EVC: variants seen among roughly 807,000 people sequenced by gnomAD.
EVC encodes the protein EvC ciliary complex subunit 1, also known as evC complex member EVC.
Under a neutral mutation model 118.9 loss-of-function variants are expected in EVC, and 116 were observed. That is an observed-to-expected ratio of 0.98 (90% CI 0.84 to 1.14). The LOEUF (loss-of-function observed/expected upper bound fraction) is 1.14, where lower values mean the gene tolerates loss of function less well. Among genes scored for constraint, EVC ranks in the 50% most tolerant of loss-of-function variants. The pLI is 0.00. For synonymous variants in EVC, 619 were observed against 534.7 expected (o/e 1.16, Z -2.18); for missense variants, 1,401 against 1,246.4 (o/e 1.12, Z -1.87).
intron 16 of EVC, among the ~76,000 whole-genome samples, chr4:5,803,915 C>G (rs1183677548): frequency 1.3e-5 from 2 of 150,118 alleles, no homozygotes; most frequent in African/African-American, 2.4e-5. Flanking sequence ...CAGGTCTAAA[C>G]CATGCCTGTC....
the EVC span, chr4:5,826,052 TCA>T: frequency 3.5e-6 from 1 of 287,226 alleles, no homozygotes; most frequent in African/African-American, 2.3e-5. Context: ...AAAGGCATAC[TCA>T]CATATGTATA....
chr4:5,763,457 TG>T (rs60989960), intron 11 of EVC, among the ~76,000 whole-genome samples: 46,663 of 141,100 alleles, frequency 0.33, 7,234 homozygotes, highest in Admixed American at 0.43. Flanking sequence ...GGTAGCTTGA[TG>T]GGGATGGCAT....
the EVC span, among the ~76,000 whole-genome samples, chr4:5,828,927 A>AG: frequency 6.9e-6 from 1 of 145,476 alleles, no homozygotes; most frequent in Non-Finnish European, 1.5e-5. Flanking sequence ...ACAAAGAGGA[A>AG]GGGGGTCCCC....
chr4:5,828,835 T>G, the EVC span, among the ~76,000 whole-genome samples: 2 of 152,158 alleles, frequency 1.3e-5, no homozygotes, highest in Admixed American at 1.3e-4. Context: ...TGGTCCACAG[T>G]GTATATAACC....
chr4:5,711,614 C>T (rs1723037806), intron 1 of EVC, 60 bp downstream of exon 1: 1 of 1,128,598 alleles, frequency 8.9e-7, no homozygotes, highest in African/African-American at 1.6e-5. Context: ...GCTTCTGGGT[C>T]CTGCGGGCCC....
At chr4:5,814,892 C>G (rs1333433065), downstream of EVC, among the ~76,000 whole-genome samples, 2 of 152,142 alleles carry the variant, frequency 1.3e-5, no homozygotes, top group East Asian at 3.9e-4. Flanking sequence ...ATTCTAGGTC[C>G]TGTGTTCTTT....
intron 1 of EVC, among the ~76,000 whole-genome samples, chr4:5,712,902 C>A (rs535518868): frequency 6.6e-6 from 1 of 152,242 alleles, no homozygotes; most frequent in East Asian, 1.9e-4. Flanking sequence ...ATCCTCCAGC[C>A]CATGAGGTGG....
chr4:5,717,822 C>G (rs1419052767), intron 1 of EVC, among the ~76,000 whole-genome samples: 5 of 152,232 alleles, frequency 3.3e-5, no homozygotes, highest in Non-Finnish European at 5.9e-5. Flanking sequence ...CATTCCCCCA[C>G]CCTCCACTGT....
chr4:5,820,258 A>C, the EVC span, among the ~76,000 whole-genome samples: 4 of 152,080 alleles, frequency 2.6e-5, no homozygotes, highest in Non-Finnish European at 5.9e-5. Flanking sequence ...ACTATCACCA[A>C]CACCACCATC....
chr4:5,809,638 C>A, intron 19 of EVC, 27 bp downstream of exon 19: 1 of 1,594,326 alleles, frequency 6.3e-7, no homozygotes, highest in Non-Finnish European at 8.6e-7. Flanking sequence ...TGAGTTGCAG[C>A]GGGAAGCACT....
rs143895468 is a variant in EVC, at chr4:5,767,891, C to T, written c.1563+11529C>T. On this transcript the variant is annotated intron_variant, in intron 11 of 20. Coordinates refer to ENST00000264956, the MANE Select transcript of EVC (RefSeq NM_153717.3). ...GTCGCTCACGCTGGGAGCTGTAGAC[C>T]GGAGCTGTTCCTATTCGGCCATCTT... is the stretch of plus-strand genomic sequence containing the variant. 6.9e-3 allele frequency among the ~76,000 whole-genome samples: 1,050 copies of T among 152,296 alleles called. 14 individuals carry two copies. The highest frequency in any genetic ancestry group is 0.023 in the African/African-American group (966 of 41,532).
At chr4:5,732,848 A>C (rs1032317096) in intron 4 of EVC, among the ~76,000 whole-genome samples, 2 of 152,132 alleles carry the variant, frequency 1.3e-5, no homozygotes, top group Non-Finnish European at 2.9e-5. Flanking sequence ...CATCTCTAAA[A>C]TAAAATCCAA....
At chr4:5,819,464 C>G in the EVC span, among the ~76,000 whole-genome samples, 1 of 152,204 alleles carries the variant, frequency 6.6e-6, no homozygotes, top group Non-Finnish European at 1.5e-5. Context: ...TCTGAGCTAC[C>G]AGGTCTCCTG....
chr4:5,712,791 C>T (rs1462459348), intron 1 of EVC, among the ~76,000 whole-genome samples: 1 of 152,116 alleles, frequency 6.6e-6, no homozygotes, highest in Non-Finnish European at 1.5e-5. Context: ...GATTAAGAGA[C>T]ACTAAGAGAT....
rs932694480 is a variant in EVC at position 5,798,891 on chromosome 4, T to C, written c.2304+99T>C. ...TCCTTGCCACACCGTTCATGGAGCT[T>C]GTGGCCTAGTAGACTTTGCCTGACT... On this transcript the variant is annotated intron_variant, in intron 15 of 20. Coordinates refer to ENST00000264956, the MANE Select transcript of EVC (RefSeq NM_153717.3). The surrounding 1 kb of genome is among the most constrained non-coding windows in gnomAD (Gnocchi z 4.1). 9.2e-6 allele frequency: 12 copies of C among 1,309,994 alleles called. No individual in the cohort carries two copies. Among genetic ancestry groups the C allele is most frequent in the South Asian group, 6.4e-5 (5 of 78,612 alleles). The allele number at this position is 1,309,994 out of a possible 1,614,324, so 81.1% of individuals were successfully genotyped here.
rs2152345583 is a variant in EVC at position 5,798,633 on chromosome 4, G to GGCCC, written c.2145_2146insGCCC (p.Gln716AlafsTer52). ...CCAGCCGGCTAGAGGAGGAAGCACAGCAGACACGGCTGCAGCTCCAGCAGC... is the reference window on the plus strand; with the variant it reads ...CCAGCCGGCTAGAGGAGGAAGCACAGGCCCCAGACACGGCTGCAGCTCCAGCAGC... On this transcript the variant is annotated frameshift_variant, in exon 15 of 21. Coordinates refer to ENST00000264956, the MANE Select transcript of EVC (RefSeq NM_153717.3). LOFTEE classifies it high-confidence loss of function. This position sits in a 1 kb window ranked among gnomAD's most constrained non-coding sequence, Gnocchi z 4.1. 1.9e-6 allele frequency: 3 copies of GGCCC among 1,590,306 alleles called. No homozygotes were observed. The highest frequency in any genetic ancestry group is 2.6e-6 in the Non-Finnish European group (3 of 1,169,976).
chr4:5,817,148 T>C (rs1327253162), downstream of EVC, among the ~76,000 whole-genome samples: 4 of 151,830 alleles, frequency 2.6e-5, no homozygotes, highest in African/African-American at 9.7e-5. Flanking sequence ...GGATACGGAG[T>C]GTTCTTTTTT....
At chr4:5,766,510 G>T (rs1732888762) in intron 11 of EVC, among the ~76,000 whole-genome samples, 1 of 123,984 alleles carries the variant, frequency 8.1e-6, no homozygotes, top group Admixed American at 8.4e-5. Flanking sequence ...TTCCAACTTG[G>T]TTCCATTCTC....
At chr4:5,717,219 C>T (rs931049150) in intron 1 of EVC, among the ~76,000 whole-genome samples, 1 of 152,028 alleles carries the variant, frequency 6.6e-6, no homozygotes, top group African/African-American at 2.4e-5. Context: ...TTGAGTTTTT[C>T]ATATTTTCAA....
Sources: allele counts gnomAD v4.1 joint callset (sites outside exome capture counted in the v4.1 genomes callset), GRCh38; gene constraint gnomAD v4.1.1; non-coding constraint Gnocchi (gnomAD v3.1); transcripts MANE v1.5; gene names NCBI Gene and HGNC (gene_info 2026-07-23, HGNC 2026-07-21).